COBL: variants seen among roughly 807,000 people sequenced by gnomAD.
COBL encodes cordon-bleu WH2 repeat protein.
COBL carries 51 observed loss-of-function variants against 98.8 expected under a neutral mutation model. That is an observed-to-expected ratio of 0.52 (90% CI 0.41 to 0.65). The LOEUF (loss-of-function observed/expected upper bound fraction) is 0.65. Among genes scored for constraint, COBL ranks in the 30% least tolerant of loss-of-function variants. The pLI is 0.00. For missense variants in COBL, 1,617 were observed against 1,617.5 expected (o/e 1.00, Z 0.01); for synonymous variants, 634 against 651.7 (o/e 0.97, Z 0.41).
intron 6 of COBL, among the ~76,000 whole-genome samples, chr7:51,088,894 G>A (rs1022704882): frequency 8.5e-5 from 13 of 152,186 alleles, no homozygotes; most frequent in African/African-American, 3.1e-4. Context: ...CTCTCCTGTG[G>A]CATGTGGGTT....
chr7:51,112,987 T>A (rs1226582280), intron 6 of COBL, among the ~76,000 whole-genome samples: 3 of 152,196 alleles, frequency 2.0e-5, no homozygotes, highest in African/African-American at 7.2e-5. Flanking sequence ...TGTGCTCCCA[T>A]AAGACGTGGA....
chr7:51,058,863 C>T (rs1018928857), intron 7 of COBL, among the ~76,000 whole-genome samples: 2 of 152,200 alleles, frequency 1.3e-5, no homozygotes, highest in African/African-American at 2.4e-5. Context: ...GGTCCTCCAA[C>T]GACTTTCGTT....
intron 1 of COBL, among the ~76,000 whole-genome samples, chr7:51,247,688 T>C (rs1247384744): frequency 6.6e-6 from 1 of 152,186 alleles, no homozygotes; most frequent in Admixed American, 6.5e-5. Flanking sequence ...TTAGAAGGTC[T>C]GCATCACTCC....
At chr7:51,263,147 A>C (rs4947579) in intron 1 of COBL, among the ~76,000 whole-genome samples, 83,887 of 151,996 alleles carry the variant, frequency 0.55, 23,586 homozygotes, top group African/African-American at 0.66. Flanking sequence ...ACCGGAAGCC[A>C]CCCGCAAGCC....
intron 5 of COBL, among the ~76,000 whole-genome samples, chr7:51,145,190 A>G (rs1784906724): frequency 6.6e-6 from 1 of 151,024 alleles, no homozygotes; most frequent in African/African-American, 2.4e-5. Context: ...AATTTTTTGT[A>G]TTTTCAGTAG....
chr7:51,092,534 G>C (rs1360431930), intron 6 of COBL, among the ~76,000 whole-genome samples: 2 of 152,146 alleles, frequency 1.3e-5, no homozygotes, highest in Non-Finnish European at 2.9e-5. Context: ...TTACTGAAGA[G>C]ACTGTTCTTT....
intron 7 of COBL, among the ~76,000 whole-genome samples, chr7:51,050,996 A>G (rs898647177): frequency 6.6e-6 from 1 of 152,182 alleles, no homozygotes; most frequent in Non-Finnish European, 1.5e-5. Context: ...GGACAGCTAC[A>G]TATATGTCTT....
intron 1 of COBL, among the ~76,000 whole-genome samples, chr7:51,281,979 T>G (rs1010481758): frequency 2.6e-5 from 4 of 152,078 alleles, no homozygotes; most frequent in Admixed American, 2.6e-4. Flanking sequence ...AAATACTGAT[T>G]CTAAGGAGAC....
chr7:51,105,444 T>C (rs934093017), intron 6 of COBL, among the ~76,000 whole-genome samples: 2 of 152,030 alleles, frequency 1.3e-5, no homozygotes, highest in African/African-American at 2.4e-5. Flanking sequence ...TACTGCAGGG[T>C]TGGTGTAAGA....
At chr7:51,058,712 C>G (rs760418895) in intron 7 of COBL, among the ~76,000 whole-genome samples, 2 of 152,204 alleles carry the variant, frequency 1.3e-5, no homozygotes, top group African/African-American at 2.4e-5. Flanking sequence ...TTCATTCACT[C>G]AGGAGCTTCA....
intron 5 of COBL, among the ~76,000 whole-genome samples, chr7:51,143,215 T>TA: frequency 1.3e-5 from 2 of 152,130 alleles, no homozygotes; most frequent in African/African-American, 2.4e-5. Flanking sequence ...TGCGTGTGTG[T>TA]GTGTCTGTGT....
intron 8 of COBL, chr7:51,033,698 G>C (rs1788364621): frequency 6.6e-6 from 1 of 152,240 alleles, no homozygotes; most frequent in South Asian, 2.1e-4. Flanking sequence ...GAGTGACAGA[G>C]CAAATTTTTA....
chr7:51,200,772 C>T (rs2129064855), intron 2 of COBL, among the ~76,000 whole-genome samples: 1 of 152,008 alleles, frequency 6.6e-6, no homozygotes, highest in Non-Finnish European at 1.5e-5. Flanking sequence ...AAGTCCTTAC[C>T]TATTAATAAT....
intron 6 of COBL, among the ~76,000 whole-genome samples, chr7:51,089,955 T>C (rs545348371): frequency 4.5e-4 from 69 of 152,228 alleles, no homozygotes; most frequent in Non-Finnish European, 6.6e-4. Flanking sequence ...TTAGCCCCTA[T>C]TGCCTTTAGC....
At chr7:51,170,525 ATATAT>A (rs1562991294) in intron 5 of COBL, among the ~76,000 whole-genome samples, 5 of 147,018 alleles carry the variant, frequency 3.4e-5, no homozygotes, top group African/African-American at 9.9e-5. Context: ...ATATATATAT[ATATAT>A]AAATATATAT....
At position 51,209,047 on chromosome 7, in the gene COBL, A is replaced by T. The variant is rs922760055; in HGVS notation, c.245+10694T>A. Among the ~76,000 whole-genome samples, 6 of 29,460 alleles carry T rather than the reference A, an allele frequency of 2.0e-4. No homozygotes were observed. The South Asian group carries it at 0.012, about 60-fold the overall frequency. The allele number at this position is 29,460 out of a possible 152,430, so 19.3% of individuals were successfully genotyped here. ...GAGAAACACCCAAGAATGATCAATTAAAAAAAAAAAAAAAAAAAAAAAAAA... is the reference window on the plus strand; with the variant it reads ...GAGAAACACCCAAGAATGATCAATTTAAAAAAAAAAAAAAAAAAAAAAAAA... On this transcript the variant is annotated intron_variant, in intron 2 of 12. Transcript: ENST00000265136.
intron 4 of COBL, among the ~76,000 whole-genome samples, chr7:51,187,304 GTT>G (rs1335414991): frequency 8.1e-6 from 1 of 123,212 alleles, no homozygotes; most frequent in African/African-American, 3.3e-5. Context: ...ATATGTATAT[GTT>G]TAAGTATATA....
chr7:51,161,555 A>G (rs960801522), intron 5 of COBL, among the ~76,000 whole-genome samples: 6 of 152,164 alleles, frequency 3.9e-5, no homozygotes, highest in African/African-American at 1.4e-4. Flanking sequence ...AAACACTATA[A>G]TGACACTATT....
At chr7:51,050,955 C>T (rs556819366) in intron 7 of COBL, among the ~76,000 whole-genome samples, 29 of 152,160 alleles carry the variant, frequency 1.9e-4, no homozygotes, top group African/African-American at 6.3e-4. Flanking sequence ...TTATAGGAAC[C>T]ATTATTTTAT....
Sources: gnomAD v4.1 joint callset for allele counts (sites outside exome capture counted in the v4.1 genomes callset) on GRCh38, gnomAD v4.1.1 for gene constraint, MANE v1.5 for transcripts, NCBI Gene and HGNC (gene_info 2026-07-23, HGNC 2026-07-21) for gene names.